The following LRRC4C variants were observed in gnomAD, a reference collection of about 807,000 sequenced individuals.
LRRC4C encodes the protein leucine rich repeat containing 4C.
Under a neutral mutation model 33.6 loss-of-function variants are expected in LRRC4C, and 5 were observed. The observed-to-expected ratio is 0.15, with a 90% CI of 0.08 to 0.31. LRRC4C has a LOEUF of 0.31. Ranked by LOEUF, LRRC4C falls within the 10% of genes least tolerant of loss-of-function variation. The pLI, the probability that LRRC4C is intolerant of heterozygous loss-of-function variation, is 1.00. For missense variants in LRRC4C, 560 were observed against 796.7 expected (o/e 0.70, Z 3.58); for synonymous variants, 329 against 302.0 (o/e 1.09, Z -0.93).
intron 1 of LRRC4C, among the ~76,000 whole-genome samples, chr11:41,227,158 T>C (rs1393069428): frequency 6.6e-6 from 1 of 152,144 alleles, no homozygotes; most frequent in Non-Finnish European, 1.5e-5. Context: ...TTCATGTTGC[T>C]GCTTCCTTAT....
intron 3 of LRRC4C, among the ~76,000 whole-genome samples, chr11:40,324,726 A>G (rs1946012487): frequency 6.6e-6 from 1 of 152,220 alleles, no homozygotes; most frequent in African/African-American, 2.4e-5. Flanking sequence ...GTAAATACAA[A>G]TATTTACAGA....
At chr11:40,990,231 TTATATATATATA>T (rs761772952) in intron 1 of LRRC4C, among the ~76,000 whole-genome samples, 3,033 of 78,268 alleles carry the variant, frequency 0.039, 88 homozygotes, top group African/African-American at 0.085. Flanking sequence ...ATGTCAAGTT[TTATATATATATA>T]TATATATATA....
chr11:40,204,549 C>G (rs187559501), intron 5 of LRRC4C, among the ~76,000 whole-genome samples: 2 of 152,136 alleles, frequency 1.3e-5, no homozygotes, highest in Non-Finnish European at 2.9e-5. Context: ...GAGACAGCAT[C>G]GCTATCTCCC....
intron 5 of LRRC4C, among the ~76,000 whole-genome samples, chr11:40,171,520 A>G (rs910500162): frequency 6.6e-6 from 1 of 152,312 alleles, no homozygotes; most frequent in African/African-American, 2.4e-5. Context: ...TCAACACCCA[A>G]TATTAGTAAA....
intron 1 of LRRC4C, among the ~76,000 whole-genome samples, chr11:40,949,512 G>T (rs903678885): frequency 6.6e-6 from 1 of 152,040 alleles, no homozygotes; most frequent in African/African-American, 2.4e-5. Context: ...ACTAACAGCG[G>T]ATCTCTCGGC....
intron 1 of LRRC4C, among the ~76,000 whole-genome samples, chr11:41,217,182 T>G (rs1947099315): frequency 6.6e-6 from 1 of 152,324 alleles, no homozygotes; most frequent in Non-Finnish European, 1.5e-5. Context: ...CACCGCGTAG[T>G]TCTTCAGACA....
intron 3 of LRRC4C, among the ~76,000 whole-genome samples, chr11:40,462,758 T>C (rs1358171076): frequency 6.6e-6 from 1 of 152,084 alleles, no homozygotes; most frequent in Non-Finnish European, 1.5e-5. Flanking sequence ...ATCCCAGATG[T>C]AGAGTTGCCT....
intron 1 of LRRC4C, among the ~76,000 whole-genome samples, chr11:41,229,698 T>C (rs1388476586): frequency 6.6e-6 from 1 of 152,094 alleles, no homozygotes; most frequent in Non-Finnish European, 1.5e-5. Context: ...CATAGCAGAA[T>C]GATCTCCTGT....
In LRRC4C at chr11:40,889,638, CT is replaced by C. The variant is rs148044915; in HGVS notation, c.-407+43996del. ...GTGATTAGAAAACCATCCATTATCT[CT>C]TTTTGGGTGTTCTGCATTCTGGCAT... On this transcript the variant is annotated intron_variant, in intron 2 of 6. Coordinates refer to ENST00000528697, the MANE Select transcript of LRRC4C (RefSeq NM_001258419.2). 3.9e-3 allele frequency among the ~76,000 whole-genome samples: 594 copies of C among 152,180 alleles called. 6 individuals carry two copies. Among genetic ancestry groups the C allele is most frequent in the African/African-American group, 0.014 (573 of 41,570 alleles).
intron 1 of LRRC4C, among the ~76,000 whole-genome samples, chr11:41,012,323 A>G (rs893570023): frequency 1.3e-5 from 2 of 152,198 alleles, no homozygotes; most frequent in Non-Finnish European, 2.9e-5. Flanking sequence ...TAAGAGTGAG[A>G]ATATGTTATA....
At chr11:40,200,178 A>AC (rs1862592806) in intron 5 of LRRC4C, among the ~76,000 whole-genome samples, 1 of 76,230 alleles carries the variant, frequency 1.3e-5, no homozygotes, top group African/African-American at 5.1e-5. Flanking sequence ...GCCTGTCTCC[A>AC]CTAAAAAAAA....
intron 3 of LRRC4C, among the ~76,000 whole-genome samples, chr11:40,497,375 G>A (rs975985648): frequency 5.3e-5 from 8 of 151,868 alleles, no homozygotes; most frequent in African/African-American, 1.9e-4. Flanking sequence ...CTACACTCCA[G>A]CCTGGGCAAC....
In LRRC4C at chr11:40,159,089, G is replaced by A. The variant is rs61506976; in HGVS notation, c.-95-18236C>T. On this transcript the variant is annotated intron_variant, in intron 5 of 6. Coordinates refer to ENST00000528697, the MANE Select transcript of LRRC4C (RefSeq NM_001258419.2). The stretch of plus-strand genomic sequence containing the variant: ...GAAAAAGCAAAGTGCACATTTCTAC[G>A]TATAGGGAAAATCCTCTTGCAGATG... Among the ~76,000 whole-genome samples the A allele has an allele frequency of 3.6e-3, 552 of 152,238 alleles. 6 individuals carry two copies. Among genetic ancestry groups the A allele is most frequent in the African/African-American group, 0.012 (508 of 41,538 alleles).
At chr11:40,945,130 T>C (rs1430759103) in intron 1 of LRRC4C, among the ~76,000 whole-genome samples, 1 of 148,232 alleles carries the variant, frequency 6.7e-6, no homozygotes, top group African/African-American at 2.5e-5. Flanking sequence ...CGGGTTCACA[T>C]GCCATTCTCC....
At chr11:40,151,934 C>T (rs770382469) in intron 5 of LRRC4C, among the ~76,000 whole-genome samples, 2 of 152,064 alleles carry the variant, frequency 1.3e-5, no homozygotes, top group African/African-American at 4.8e-5. Flanking sequence ...TTACATTTAT[C>T]GTGATGGAAG....
intron 1 of LRRC4C, among the ~76,000 whole-genome samples, chr11:41,311,198 T>C (rs561428157): frequency 7.7e-4 from 117 of 152,288 alleles, no homozygotes; most frequent in African/African-American, 2.7e-3. Context: ...CACATTTTTT[T>C]TTATATATTC....
At chr11:40,521,522 T>A (rs1462715409) in intron 3 of LRRC4C, among the ~76,000 whole-genome samples, 1 of 152,138 alleles carries the variant, frequency 6.6e-6, no homozygotes. Context: ...TGACAAACAA[T>A]GAGAAATGCA....
chr11:40,398,929 T>G (rs6485193), intron 3 of LRRC4C, among the ~76,000 whole-genome samples: 1 of 151,936 alleles, frequency 6.6e-6, no homozygotes, highest in Non-Finnish European at 1.5e-5. Flanking sequence ...ACCAATTCCC[T>G]TGGTGCGTTA....
At chr11:40,942,493 C>A (rs1026356136) in intron 1 of LRRC4C, among the ~76,000 whole-genome samples, 1 of 152,088 alleles carries the variant, frequency 6.6e-6, no homozygotes, top group African/African-American at 2.4e-5. Context: ...GCATTCCAGG[C>A]ATGAACTAAT....
Sources: gnomAD v4.1 joint callset for allele counts (sites outside exome capture counted in the v4.1 genomes callset) on GRCh38, gnomAD v4.1.1 for gene constraint, MANE v1.5 for transcripts, NCBI Gene and HGNC (gene_info 2026-07-23, HGNC 2026-07-21) for gene names.